AAGAB: variants seen among roughly 807,000 people sequenced by gnomAD.
AAGAB encodes the protein alpha- and gamma-adaptin-binding protein p34.
Under a neutral mutation model 44.1 loss-of-function variants are expected in AAGAB, and 38 were observed. The ratio of observed to expected loss-of-function variants is 0.86; its 90% CI spans 0.67 to 1.13. The LOEUF is 1.13. AAGAB is among the 50% of genes most tolerant of loss of function. AAGAB has a pLI of 0.00. For synonymous variants in AAGAB, 131 were observed against 131.8 expected, an observed-to-expected ratio of 0.99 and a Z score of 0.04; for missense variants, 450 against 373.8, an observed-to-expected ratio of 1.20 and a Z score of -1.68.
In AAGAB at chr15:67,236,003, G is replaced by C; in HGVS notation, c.427C>G (p.Pro143Ala). The C allele has an allele frequency of 1.2e-6, 2 of 1,612,986 alleles. No homozygotes were observed. The highest frequency in any genetic ancestry group is 1.7e-6 in the Non-Finnish European group (2 of 1,179,386). Residue 143 changes from proline to alanine, a missense_variant, in exon 4 of 10, where the codon CCA (proline) becomes GCA (alanine). Transcript: ENST00000261880. ...KHGFELVELS[P>A]EELPEEDDDF... ...CCATCCTCCTCAGGCAACTCCTCTG[G>C]ACTAAGTTCTACCAATTCAAAGCCA... is the stretch of plus-strand genomic sequence containing the variant.
At chr15:67,240,256 GT>G (rs1175606496) in intron 1 of AAGAB, among the ~76,000 whole-genome samples, 2 of 152,146 alleles carry the variant, frequency 1.3e-5, no homozygotes, top group South Asian at 2.1e-4. Context: ...TGATCTTGAG[GT>G]TTTTTTGTTG....
intron 1 of AAGAB, among the ~76,000 whole-genome samples, chr15:67,247,700 T>C (rs963874545): frequency 2.0e-5 from 3 of 152,188 alleles, no homozygotes; most frequent in Non-Finnish European, 4.4e-5. Flanking sequence ...AGTCTAAAAC[T>C]TCGCACGAAA....
In AAGAB at chr15:67,254,560, T is replaced by G; in HGVS notation, c.72A>C (p.Gln24His). The G allele has an allele frequency of 6.2e-7, 1 of 1,607,804 alleles. No homozygotes were observed. Among genetic ancestry groups the G allele is most frequent in the Non-Finnish European group, 8.5e-7 (1 of 1,178,058 alleles). The change falls in exon 1 of 10, where the codon CAA (glutamine) becomes CAC (histidine). Residue 24 changes from glutamine (Q) to histidine (H), a missense_variant and splice_region_variant. Coordinates refer to ENST00000261880, the MANE Select transcript of AAGAB (RefSeq NM_024666.5). The part of the protein sequence containing the change: ...SSVFSGDQLV[Q>H]HILGTEDLIV... ...CGGCCCAGGCGCCTATCTACTCACGTTGGACCAGCTGGTCTCCTGAGAAGA... is the reference window on the plus strand; with the variant it reads ...CGGCCCAGGCGCCTATCTACTCACGGTGGACCAGCTGGTCTCCTGAGAAGA...
At chr15:67,208,307 G>T (rs1391041687) in intron 7 of AAGAB, among the ~76,000 whole-genome samples, 1 of 152,204 alleles carries the variant, frequency 6.6e-6, no homozygotes, top group Non-Finnish European at 1.5e-5. Context: ...GGTTCGGTCT[G>T]CCTTGGCTAA....
chr15:67,254,898 T>A (rs757738757), upstream of AAGAB: 10 of 1,613,716 alleles, frequency 6.2e-6, no homozygotes, highest in Non-Finnish European at 8.5e-6. Flanking sequence ...GACCTAGCCA[T>A]GGCACAGAAC....
intron 5 of AAGAB, among the ~76,000 whole-genome samples, chr15:67,222,787 A>G (rs952185385): frequency 5.3e-5 from 8 of 151,994 alleles, no homozygotes; most frequent in Admixed American, 2.6e-4. Flanking sequence ...TCTCATCTCA[A>G]ACAATAAAAA....
At position 67,206,785 on chromosome 15, in the gene AAGAB, C is replaced by G. The variant is rs536574680; in HGVS notation, c.715+1777G>C. On this transcript the variant is annotated intron_variant, in intron 7 of 9. Transcript: ENST00000261880. ...TGAGAATTTTCTTAATTTCTGGTAC[C>G]AAGAGATGCTCCAGGGTCATCCTGT... Among the ~76,000 whole-genome samples the G allele has an allele frequency of 9.9e-5, 15 of 152,206 alleles. No individual in the cohort carries two copies. The South Asian group carries it at 1.5e-3, about 15-fold the overall frequency.
At chr15:67,230,205 T>C (rs1045126989) in intron 5 of AAGAB, among the ~76,000 whole-genome samples, 1 of 152,088 alleles carries the variant, frequency 6.6e-6, no homozygotes, top group African/African-American at 2.4e-5. Flanking sequence ...AGCATACTTG[T>C]TGAGGCAGCC....
chr15:67,254,996 C>A (rs1316540092), upstream of AAGAB: 1 of 1,566,120 alleles, frequency 6.4e-7, no homozygotes, highest in Admixed American at 1.7e-5. Context: ...CGCGCCACTT[C>A]CGAGCGAGGT....
chr15:67,252,793 A>G (rs1964899527), intron 1 of AAGAB, among the ~76,000 whole-genome samples: 1 of 152,236 alleles, frequency 6.6e-6, no homozygotes, highest in African/African-American at 2.4e-5. Context: ...TACCCTAGCA[A>G]GGAACTTTCT....
chr15:67,253,179 C>A (rs924735900), intron 1 of AAGAB, among the ~76,000 whole-genome samples: 1 of 148,840 alleles, frequency 6.7e-6, no homozygotes, highest in Non-Finnish European at 1.5e-5. Flanking sequence ...AATCCCAGCA[C>A]TTTGGGTGGC....
In AAGAB at chr15:67,208,289, C is replaced by T. The variant is rs141523091; in HGVS notation, c.715+273G>A. ...CTACGTGATACAGAGCTAGCTGTTT[C>T]GCCACCTGGTTCGGTCTGCCTTGGC... On this transcript the variant is annotated intron_variant, in intron 7 of 9. Coordinates refer to ENST00000261880, the MANE Select transcript of AAGAB (RefSeq NM_024666.5). Among the ~76,000 whole-genome samples, 108 of 152,332 alleles carry T rather than the reference C, an allele frequency of 7.1e-4. 1 individual carries two copies. Among genetic ancestry groups the T allele is most frequent in the Admixed American group, 4.2e-3 (65 of 15,296 alleles).
At chr15:67,229,565 A>C (rs966725976) in intron 5 of AAGAB, among the ~76,000 whole-genome samples, 2 of 152,100 alleles carry the variant, frequency 1.3e-5, no homozygotes, top group African/African-American at 4.8e-5. Context: ...TAACAGACAC[A>C]ATAAGATTCC....
chr15:67,254,203 C>A (rs983616941), intron 1 of AAGAB: 1 of 243,916 alleles, frequency 4.1e-6, no homozygotes, highest in Admixed American at 5.0e-5. Flanking sequence ...AACAACATCA[C>A]GATATCAACA....
chr15:67,221,075 T>G (rs1964054261), intron 5 of AAGAB: 1 of 152,246 alleles, frequency 6.6e-6, no homozygotes, highest in Non-Finnish European at 1.5e-5. Context: ...TCTTCTCAGC[T>G]CTGGTTTGTC....
intron 5 of AAGAB, among the ~76,000 whole-genome samples, chr15:67,231,304 C>T (rs1406864224): frequency 6.6e-6 from 1 of 152,178 alleles, no homozygotes; most frequent in Non-Finnish European, 1.5e-5. Context: ...TGCCGTTCTC[C>T]CCTTTCATTA....
rs773041947 is a variant in AAGAB at position 67,208,579 on chromosome 15, T to C, written c.698A>G (p.Gln233Arg). ...GAACTTACCCACAATGCTATCAACC[T>C]GGGCATCTGTTGTGTTAGATGCACC... The part of the protein sequence containing the change: ...RGGASNTTDA[Q>R]VDSIVDPMLD... Residue 233 changes from glutamine to arginine, a missense_variant, in exon 7 of 10, where the codon CAG (glutamine) becomes CGG (arginine). By Grantham distance (43) the Gln-to-Arg change is conservative. Coordinates refer to ENST00000261880, the MANE Select transcript of AAGAB (RefSeq NM_024666.5). 1.9e-6 allele frequency: 3 copies of C among 1,614,082 alleles called. No homozygotes were observed. Among genetic ancestry groups the C allele is most frequent in the South Asian group, 1.1e-5 (1 of 91,062 alleles).
In AAGAB at chr15:67,241,040, T is replaced by TACACACACACACACACACACACACACAC. The variant is rs10525823; in HGVS notation, c.74-4248_74-4221dup. ...CAAACACCACAAATATCTGTTCTCC[T>TACACACACACACACACACACACACACAC]ACACACACACACACACACACACACA... On this transcript the variant is annotated intron_variant, in intron 1 of 9. Transcript: ENST00000261880. Among the ~76,000 whole-genome samples the TACACACACACACACACACACACACACAC allele has an allele frequency of 2.7e-5, 4 of 147,184 alleles. No individual in the cohort carries two copies. The East Asian group carries it at 6.0e-4, about 22-fold the overall frequency.
At chr15:67,225,674 T>G (rs1049956503) in intron 5 of AAGAB, among the ~76,000 whole-genome samples, 26 of 152,228 alleles carry the variant, frequency 1.7e-4, no homozygotes, top group African/African-American at 6.3e-4. Flanking sequence ...TCGGGCTTTT[T>G]TCACTTAGCA....
Sources: allele counts gnomAD v4.1 joint callset (sites outside exome capture counted in the v4.1 genomes callset), GRCh38; gene constraint gnomAD v4.1.1; transcripts MANE v1.5; gene names NCBI Gene and HGNC (gene_info 2026-07-23, HGNC 2026-07-21).